Variants in SLTM observed in about 807,000 individuals in gnomAD.
SLTM encodes SAFB-like transcription modulator.
In SLTM, 43 loss-of-function variants were observed where a neutral mutation model predicts 134.6. That is an observed-to-expected ratio of 0.32 (90% CI 0.25 to 0.41). The LOEUF (loss-of-function observed/expected upper bound fraction) is 0.41, where lower values mean the gene tolerates loss of function less well. SLTM is among the 10% of genes least tolerant of loss of function. SLTM has a pLI of 1.00. For synonymous variants in SLTM, 424 were observed against 432.3 expected (o/e 0.98, Z 0.24); for missense variants, 1,055 against 1,288.8 (o/e 0.82, Z 2.78).
chr15:58,892,245 G>C (rs1256013653), intron 14 of SLTM, among the ~76,000 whole-genome samples: 1 of 152,092 alleles, frequency 6.6e-6, no homozygotes, highest in Non-Finnish European at 1.5e-5. Context: ...ATATACAAAA[G>C]TAAACTGACA....
Position 58,897,096 on chromosome 15 carries a change from A to G in SLTM, c.1227+19T>C. On this transcript the variant is annotated intron_variant, in intron 9 of 20. Transcript: ENST00000380516. Reference sequence around the variant, plus strand: ...ATGCAGACACCAGAAAGACAGATAAAAAGGTAAAAAGAATGTACCTTTCCA... The same window carrying G: ...ATGCAGACACCAGAAAGACAGATAAGAAGGTAAAAAGAATGTACCTTTCCA... 1 of 1,423,028 alleles carries G rather than the reference A, an allele frequency of 7.0e-7. No individual in the cohort carries two copies. Among genetic ancestry groups the G allele is most frequent in the Non-Finnish European group, 9.9e-7 (1 of 1,006,686 alleles). The allele number at this position is 1,423,028 out of a possible 1,614,324, so 88.2% of individuals were successfully genotyped here.
intron 20 of SLTM, among the ~76,000 whole-genome samples, chr15:58,881,294 C>T (rs186284250): frequency 6.6e-6 from 1 of 152,254 alleles, no homozygotes; most frequent in Non-Finnish European, 1.5e-5. Flanking sequence ...GAGGCTGAAG[C>T]TGGAGGATCA....
At chr15:58,913,746 C>T in intron 3 of SLTM, 50 bp from the exon 4 acceptor site, 1 of 1,457,868 alleles carries the variant, frequency 6.9e-7, no homozygotes, top group Non-Finnish European at 9.5e-7. Context: ...GTAGTGTGGG[C>T]TATCCACCAA....
chr15:58,901,941 A>T (rs1195652715), intron 5 of SLTM, among the ~76,000 whole-genome samples: 1 of 152,206 alleles, frequency 6.6e-6, no homozygotes, highest in African/African-American at 2.4e-5. Flanking sequence ...TGGCAAAGCC[A>T]ATTTTAAAAT....
At chr15:58,930,962 C>G (rs1258436786) in intron 2 of SLTM, among the ~76,000 whole-genome samples, 1 of 151,998 alleles carries the variant, frequency 6.6e-6, no homozygotes, top group Non-Finnish European at 1.5e-5. Flanking sequence ...TAATAGTCAA[C>G]TCAAACAACC....
chr15:58,928,478 G>C (rs1243810275), intron 2 of SLTM, among the ~76,000 whole-genome samples: 1 of 152,064 alleles, frequency 6.6e-6, no homozygotes, highest in Non-Finnish European at 1.5e-5. Flanking sequence ...TACATGTAAA[G>C]GAATTTTATA....
At chr15:58,880,132 A>G (rs772438666) in intron 20 of SLTM, 25 bp from the exon 21 acceptor site, 3 of 1,607,306 alleles carry the variant, frequency 1.9e-6, no homozygotes, top group Admixed American at 1.7e-5. Flanking sequence ...AAAGAAAAAA[A>G]CATCAGAGAA....
chr15:58,888,377 A>G lies in SLTM; in HGVS notation c.2375+8T>C, dbSNP rs746114906. 6.3e-7 allele frequency: 1 copy of G among 1,580,260 alleles called. No homozygotes were observed. The highest frequency in any genetic ancestry group is 1.1e-5 in the South Asian group (1 of 87,080). On this transcript the variant is annotated splice_region_variant and intron_variant, in intron 17 of 20. Coordinates refer to ENST00000380516, the MANE Select transcript of SLTM (RefSeq NM_024755.4). ...TAAAATAAATATAACAATTTTCAAC[A>G]TATCTACCTTTCAAAAGATGAAGAC...
At chr15:58,917,028 C>G in intron 2 of SLTM, 29 bp from the exon 3 acceptor site, 1 of 1,606,192 alleles carries the variant, frequency 6.2e-7, no homozygotes, top group South Asian at 1.1e-5. Context: ...GGGCTAACAA[C>G]CAATATTTTA....
rs762833707 is a variant in SLTM, at chr15:58,887,050, A to G, written c.2760T>C (p.Asn920=). The change falls in exon 19 of 21, where the codon AAT becomes AAC. Residue 920 remains asparagine, a synonymous_variant. Coordinates refer to ENST00000380516, the MANE Select transcript of SLTM (RefSeq NM_024755.4). ...GHSVRGAPPG[N]RSSASGYGSR... ...TCCCGTACCCCGAAGCGCTGCTACG[A>G]TTCCCAGGGGGAGCGCCTCTCACAC... The G allele has an allele frequency of 7.4e-6, 12 of 1,613,804 alleles. No individual in the cohort carries two copies. In the East Asian group the frequency reaches 2.5e-4, roughly 33 times the overall value.
At chr15:58,901,319 G>A in intron 5 of SLTM, 32 bp from the exon 6 acceptor site, 1 of 1,562,354 alleles carries the variant, frequency 6.4e-7, no homozygotes, top group Non-Finnish European at 8.7e-7. Flanking sequence ...AATGTAAAAT[G>A]AATTCACATA....
At chr15:58,907,565 CAG>C (rs1473458186) in intron 5 of SLTM, among the ~76,000 whole-genome samples, 7 of 152,076 alleles carry the variant, frequency 4.6e-5, no homozygotes, top group African/African-American at 9.7e-5. Context: ...AGGCTGCAGT[CAG>C]GGGAGATCGC....
At chr15:58,925,712 A>G (rs185111698) in intron 2 of SLTM, among the ~76,000 whole-genome samples, 22 of 152,340 alleles carry the variant, frequency 1.4e-4, no homozygotes, top group Middle Eastern at 3.4e-3. Context: ...TGCCAAAGGT[A>G]TATTTTTCAA....
chr15:58,913,635 G>C lies in SLTM; in HGVS notation c.377C>G (p.Ser126Cys), dbSNP rs747863086. Residue 126 changes from serine to cysteine, a missense_variant, in exon 4 of 21, where the codon TCT becomes TGT. Ser to Cys is a moderately radical substitution (Grantham distance 112). Transcript: ENST00000380516. Reference protein sequence around the residue: ...EQDGNDELKDSEEFGENEEEN... With the variant: ...EQDGNDELKDCEEFGENEEEN... ...TTCTTCATTTTCACCAAATTCTTCA[G>C]AGTCCTTTAGTTCATCATTTCCATC... 6.2e-7 allele frequency: 1 copy of C among 1,613,490 alleles called. No homozygotes were observed. The highest frequency in any genetic ancestry group is 8.5e-7 in the Non-Finnish European group (1 of 1,179,828).
chr15:58,923,799 CTTTTT>C (rs34100406), intron 2 of SLTM, among the ~76,000 whole-genome samples: 3 of 69,544 alleles, frequency 4.3e-5, no homozygotes, highest in Non-Finnish European at 5.1e-5. Context: ...GAAGCCAAAC[CTTTTT>C]TTTTTTTTTT....
chr15:58,905,913 C>T (rs1380951647), intron 5 of SLTM, among the ~76,000 whole-genome samples: 2 of 152,138 alleles, frequency 1.3e-5, no homozygotes, highest in Non-Finnish European at 2.9e-5. Flanking sequence ...AACTTTATGA[C>T]ATACATTTAT....
Position 58,899,312 on chromosome 15 carries a change from A to C in SLTM, c.1058+157T>G, listed in dbSNP as rs992454684. ...ACTGCATTATTATGAAGATCTTGAA[A>C]ATTTTTAAAAGTAACTTATGACGGT... On this transcript the variant is annotated intron_variant, in intron 7 of 20. Transcript: ENST00000380516. This position sits in a 1 kb window ranked among gnomAD's most constrained non-coding sequence, Gnocchi z 5.0. The C allele has an allele frequency of 5.8e-5, 37 of 634,348 alleles. No homozygotes were observed. The highest frequency in any genetic ancestry group is 9.7e-5 in the Non-Finnish European group (36 of 371,436). 39.3% of individuals were successfully genotyped at this position (634,348 alleles called of 1,614,324 possible). A position where few individuals can be genotyped will look rare whatever the true frequency, so the allele number is the denominator to read the frequency against.
chr15:58,900,396 C>G, intron 6 of SLTM: 1 of 156,626 alleles, frequency 6.4e-6, no homozygotes, highest in Non-Finnish European at 1.4e-5. Flanking sequence ...TATTTCAGAG[C>G]CCCATCTTTT....
In SLTM at chr15:58,913,637, G is replaced by C. The variant is rs2036432716; in HGVS notation, c.375C>G (p.Asp125Glu). 3.7e-6 allele frequency: 6 copies of C among 1,613,548 alleles called. No homozygotes were observed. The highest frequency in any genetic ancestry group is 4.2e-6 in the Non-Finnish European group (5 of 1,179,826). The change falls in exon 4 of 21, where the codon GAC (aspartate) becomes GAG (glutamate). Residue 125 changes from aspartate (D) to glutamate (E), a missense_variant. Coordinates refer to ENST00000380516, the MANE Select transcript of SLTM (RefSeq NM_024755.4). Reference protein sequence around the residue: ...HEQDGNDELKDSEEFGENEEE... With the variant: ...HEQDGNDELKESEEFGENEEE... ...CTTCATTTTCACCAAATTCTTCAGA[G>C]TCCTTTAGTTCATCATTTCCATCTT...
Sources: gnomAD v4.1 joint callset for allele counts (sites outside exome capture counted in the v4.1 genomes callset) on GRCh38, gnomAD v4.1.1 for gene constraint, Gnocchi (gnomAD v3.1) non-coding constraint, MANE v1.5 for transcripts, NCBI Gene and HGNC (gene_info 2026-07-23, HGNC 2026-07-21) for gene names.